The following EVI5 variants were observed in gnomAD, a reference collection of about 807,000 sequenced individuals.
EVI5 encodes ecotropic viral integration site 5.
In EVI5, 73 loss-of-function variants were observed where a neutral mutation model predicts 112.0. The observed-to-expected ratio is 0.65, with a 90% CI of 0.54 to 0.79. The LOEUF is 0.79. EVI5 is among the 30% of genes least tolerant of loss of function. EVI5 has a pLI of 0.00. For missense variants in EVI5, 900 were observed against 968.8 expected (o/e 0.93, Z 0.94); for synonymous variants, 305 against 319.9 (o/e 0.95, Z 0.50).
At chr1:92,563,896 A>G (rs6656432) in intron 18 of EVI5, among the ~76,000 whole-genome samples, 159 bp from the exon 19 acceptor site, 129,654 of 152,200 alleles carry the variant, frequency 0.85, 55,604 homozygotes, top group East Asian at 0.97. Flanking sequence ...ACAATTCATA[A>G]TGAACTATGC....
At chr1:92,781,299 G>C (rs747055628) in intron 1 of EVI5, among the ~76,000 whole-genome samples, 1 of 152,022 alleles carries the variant, frequency 6.6e-6, no homozygotes, top group African/African-American at 2.4e-5. Flanking sequence ...TTGAGCCCAA[G>C]AGTTTGAGAC....
chr1:92,569,621 C>A (rs555046141), intron 18 of EVI5, among the ~76,000 whole-genome samples: 5 of 151,716 alleles, frequency 3.3e-5, no homozygotes, highest in Admixed American at 3.3e-4. Flanking sequence ...TTTGGGAGGC[C>A]GAGGCAGGCG....
chr1:92,718,175 G>C (rs1288517106), intron 2 of EVI5, among the ~76,000 whole-genome samples: 1 of 152,140 alleles, frequency 6.6e-6, no homozygotes, highest in African/African-American at 2.4e-5. Context: ...CTTGAACTCA[G>C]CTCTCGAGCA....
chr1:92,699,389 T>C (rs1195958847), intron 5 of EVI5, among the ~76,000 whole-genome samples: 1 of 152,190 alleles, frequency 6.6e-6, no homozygotes, highest in Non-Finnish European at 1.5e-5. Flanking sequence ...ATCAACAGAA[T>C]AGTCTACCTA....
At position 92,510,125 on chromosome 1, in the gene EVI5, A is replaced by G. The variant is rs1041636412; in HGVS notation, c.*3531T>C. The stretch of plus-strand genomic sequence containing the variant: ...GTTATTTCTAGTTTTTTGTTGTCCA[A>G]ATTACAAGAGTTTCAACGGATTAAG... On this transcript the variant is annotated 3_prime_UTR_variant, in exon 20 of 20. Coordinates refer to ENST00000684568, the MANE Select transcript of EVI5 (RefSeq NM_001350197.2). 18 of 152,322 alleles carry G rather than the reference A, an allele frequency of 1.2e-4. No homozygotes were observed. The highest frequency in any genetic ancestry group is 9.8e-4 in the Admixed American group (15 of 15,304). The allele number at this position is 152,322 out of a possible 1,614,324, so 9.4% of individuals were successfully genotyped here. A position where few individuals can be genotyped will look rare whatever the true frequency, so the allele number is the denominator to read the frequency against.
At chr1:92,522,959 C>T (rs1032515106) in intron 19 of EVI5, among the ~76,000 whole-genome samples, 6 of 152,180 alleles carry the variant, frequency 3.9e-5, no homozygotes, top group East Asian at 1.9e-4. Flanking sequence ...AGGTTTCACT[C>T]GGTTGCCCAG....
At chr1:92,742,797 T>C (rs1380620882) in intron 1 of EVI5, among the ~76,000 whole-genome samples, 4 of 152,228 alleles carry the variant, frequency 2.6e-5, no homozygotes, top group Admixed American at 6.5e-5. Flanking sequence ...ACATTGTTAA[T>C]GGAAATATAA....
intron 2 of EVI5, among the ~76,000 whole-genome samples, chr1:92,723,437 A>G (rs1675062542): frequency 6.6e-6 from 1 of 152,204 alleles, no homozygotes; most frequent in Non-Finnish European, 1.5e-5. Flanking sequence ...CCCAAAATTA[A>G]TACTTTGATA....
intron 18 of EVI5, among the ~76,000 whole-genome samples, chr1:92,601,220 G>T (rs1649108920): frequency 6.6e-6 from 1 of 152,062 alleles, no homozygotes; most frequent in South Asian, 2.1e-4. Context: ...CTGTTAGAAT[G>T]GCCATTATCA....
At chr1:92,590,091 C>T (rs566905358) in intron 18 of EVI5, among the ~76,000 whole-genome samples, 1 of 152,296 alleles carries the variant, frequency 6.6e-6, no homozygotes, top group East Asian at 1.9e-4. Flanking sequence ...ACAGAAAGGA[C>T]ATCCACACCA....
At chr1:92,724,458 T>C (rs1190559853) in intron 2 of EVI5, among the ~76,000 whole-genome samples, 1 of 152,172 alleles carries the variant, frequency 6.6e-6, no homozygotes, top group East Asian at 1.9e-4. Context: ...TTTACCCTCT[T>C]TCCTGAAACC....
At chr1:92,708,188 C>T (rs1280281868) in intron 2 of EVI5, among the ~76,000 whole-genome samples, 1 of 151,898 alleles carries the variant, frequency 6.6e-6, no homozygotes, top group African/African-American at 2.4e-5. Flanking sequence ...ACTTTATTGG[C>T]TACCACCAAG....
At chr1:92,580,937 A>ATTCTTCTTATCCTTGAATTACCT (rs1553189975) in intron 18 of EVI5, 1 of 152,156 alleles carries the variant, frequency 6.6e-6, no homozygotes, top group East Asian at 1.9e-4. Flanking sequence ...AGCAACTGTA[A>ATTCTTCTTATCCTTGAATTACCT]TTCTTCTTAT....
At position 92,532,999 on chromosome 1, in the gene EVI5, C is replaced by CTTT. The variant is rs151026642; in HGVS notation, c.2167-19032_2167-19030dup. Among the ~76,000 whole-genome samples, 738 of 140,370 alleles carry CTTT rather than the reference C, an allele frequency of 5.3e-3. 5 individuals carry two copies. Among genetic ancestry groups the CTTT allele is most frequent in the South Asian group, 0.015 (68 of 4,468 alleles). The allele number at this position is 140,370 out of a possible 152,430, so 92.1% of individuals were successfully genotyped here. A position where few individuals can be genotyped will look rare whatever the true frequency, so the allele number is the denominator to read the frequency against. On this transcript the variant is annotated intron_variant, in intron 19 of 19. Transcript: ENST00000684568. ...TCAAAAAAATCAATGAATCTAGGAA[C>CTTT]TTTTTTTTTTTTTTGGAAAAGATCA...
intron 19 of EVI5, among the ~76,000 whole-genome samples, chr1:92,519,450 A>T (rs906769492): frequency 6.6e-6 from 1 of 152,220 alleles, no homozygotes; most frequent in African/African-American, 2.4e-5. Flanking sequence ...TTACACATAA[A>T]AGAACACACC....
At position 92,675,842 on chromosome 1, in the gene EVI5, G is replaced by C. The variant is rs568887893; in HGVS notation, c.1158+1316C>G. 8.8e-4 allele frequency among the ~76,000 whole-genome samples: 133 copies of C among 151,832 alleles called. 1 individual carries two copies. The South Asian group carries it at 0.025, about 29-fold the overall frequency. On this transcript the variant is annotated intron_variant, in intron 10 of 19. Transcript: ENST00000684568. ...TTGGTGGCGGGCGCCTGTAGTCCCA[G>C]CTACTTGGGAAGCTGAGGCAGGAGA...
intron 17 of EVI5, among the ~76,000 whole-genome samples, chr1:92,606,926 C>CA (rs1557886818): frequency 2.0e-4 from 28 of 137,952 alleles, no homozygotes; most frequent in Admixed American, 9.4e-4. Context: ...ACACACACCC[C>CA]CCCAAACCCT....
At chr1:92,731,051 C>T (rs1350317604) in intron 2 of EVI5, among the ~76,000 whole-genome samples, 1 of 152,134 alleles carries the variant, frequency 6.6e-6, no homozygotes, top group African/African-American at 2.4e-5. Context: ...GAGCCAGGCA[C>T]AGTGGCTCAG....
chr1:92,625,541 C>T, intron 15 of EVI5: 1 of 308,580 alleles, frequency 3.2e-6, no homozygotes, highest in Non-Finnish European at 6.0e-6. Flanking sequence ...AAAAGTTACA[C>T]AAGGCACAAT....
Sources: allele counts gnomAD v4.1 joint callset (sites outside exome capture counted in the v4.1 genomes callset), GRCh38; gene constraint gnomAD v4.1.1; transcripts MANE v1.5; gene names NCBI Gene and HGNC (gene_info 2026-07-23, HGNC 2026-07-21).